Variants in MINDY4 observed in about 807,000 individuals in gnomAD.
MINDY4 encodes MINDY lysine 48 deubiquitinase 4.
Under a neutral mutation model 87.0 loss-of-function variants are expected in MINDY4, and 68 were observed. That is an observed-to-expected ratio of 0.78 (90% CI 0.64 to 0.96). The LOEUF (loss-of-function observed/expected upper bound fraction) is 0.96. Ranked by LOEUF, MINDY4 falls within the 40% of genes least tolerant of loss-of-function variation. The pLI, the probability that MINDY4 is intolerant of heterozygous loss-of-function variation, is 0.00. For synonymous variants in MINDY4, 379 were observed against 363.2 expected (o/e 1.04, Z -0.50); for missense variants, 919 against 928.2 (o/e 0.99, Z 0.13).
At position 30,875,511 on chromosome 7, in the gene MINDY4, T is replaced by C. The variant is rs942656303; in HGVS notation, c.1826T>C (p.Leu609Pro). 8.1e-6 allele frequency: 13 copies of C among 1,614,120 alleles called. No homozygotes were observed. Among genetic ancestry groups the C allele is most frequent in the Non-Finnish European group, 1.1e-5 (13 of 1,180,054 alleles). ...CATCTGCAGGAACTTGTCAATCTGC[T>C]CCTGACTGGGAAAGCTGTGTCCAAC... ...GYCTQELVNL[L>P]LTGKAVSNVF... The change falls in exon 15 of 18, where the codon CTC becomes CCC. Residue 609 changes from leucine to proline, a missense_variant. Leu to Pro is a moderately conservative substitution (Grantham distance 98). Transcript: ENST00000265299.
chr7:30,790,864 A>T (rs1787302154), intron 4 of MINDY4, among the ~76,000 whole-genome samples: 1 of 152,202 alleles, frequency 6.6e-6, no homozygotes, highest in Admixed American at 6.5e-5. Flanking sequence ...GTAGGTGGTG[A>T]TGCAGACTGG....
At chr7:30,795,445 G>T (rs796953321) in intron 5 of MINDY4, among the ~76,000 whole-genome samples, 1 of 152,202 alleles carries the variant, frequency 6.6e-6, no homozygotes, top group Non-Finnish European at 1.5e-5. Context: ...CCATGGAGCC[G>T]TGGGATCCAG....
chr7:30,857,478 T>C (rs999898431), intron 12 of MINDY4, among the ~76,000 whole-genome samples: 1 of 89,056 alleles, frequency 1.1e-5, no homozygotes, highest in African/African-American at 9.5e-5. Context: ...TTTTTTTTTT[T>C]TTTTTTTTTT....
intron 5 of MINDY4, among the ~76,000 whole-genome samples, chr7:30,793,648 T>A (rs1249801302): frequency 2.0e-5 from 3 of 152,196 alleles, no homozygotes; most frequent in Non-Finnish European, 2.9e-5. Context: ...TGTGAACTCC[T>A]GGGCTCAAGC....
At chr7:30,838,498 T>G (rs1788930254) in intron 7 of MINDY4, among the ~76,000 whole-genome samples, 1 of 152,232 alleles carries the variant, frequency 6.6e-6, no homozygotes, top group African/African-American at 2.4e-5. Context: ...TTTTTGGCTT[T>G]GCTGGCAGTG....
chr7:30,778,582 C>T (rs781737529), intron 2 of MINDY4, 31 bp downstream of exon 2: 2 of 1,613,400 alleles, frequency 1.2e-6, no homozygotes, highest in South Asian at 1.1e-5. Context: ...GGTGTGGAGT[C>T]TTGGAACTGA....
intron 13 of MINDY4, among the ~76,000 whole-genome samples, chr7:30,869,290 A>G (rs1418516127): frequency 1.3e-5 from 2 of 152,210 alleles, no homozygotes; most frequent in Non-Finnish European, 2.9e-5. Flanking sequence ...TTGGAGATCC[A>G]GGGGCTGATA....
chr7:30,808,784 T>TG (rs1787893067), intron 5 of MINDY4, among the ~76,000 whole-genome samples: 1 of 152,044 alleles, frequency 6.6e-6, no homozygotes, highest in Non-Finnish European at 1.5e-5. Context: ...CATAGACACT[T>TG]GGTTACAGCT....
At chr7:30,848,112 G>T (rs546902236) in intron 9 of MINDY4, among the ~76,000 whole-genome samples, 17 of 152,338 alleles carry the variant, frequency 1.1e-4, no homozygotes, top group African/African-American at 4.1e-4. Flanking sequence ...GTAAGTTAGT[G>T]TAGAAGTGTT....
At chr7:30,874,886 G>A (rs980833193) in intron 14 of MINDY4, among the ~76,000 whole-genome samples, 14 of 152,216 alleles carry the variant, frequency 9.2e-5, no homozygotes, top group African/African-American at 2.7e-4. Context: ...AGATGTTATC[G>A]TTGGGGGAAG....
In MINDY4 at chr7:30,882,262, C is replaced by T. The variant is rs780291607; in HGVS notation, c.2053C>T (p.Gln685Ter). ...ESHFSILFSLQPGLLRDWRTE... is the reference protein window; with the variant it reads ...ESHFSILFSL ...CCACTTCAGCATCCTCTTTAGCCTGCAGCCGGGGCTCCTGCGTGACTGGAG... is the reference window on the plus strand; with the variant it reads ...CCACTTCAGCATCCTCTTTAGCCTGTAGCCGGGGCTCCTGCGTGACTGGAG... Residue 685 changes from glutamine to a stop codon, truncating the protein, a stop_gained, in exon 16 of 18, where the codon CAG becomes TAG. Transcript: ENST00000265299. LOFTEE classifies it high-confidence loss of function. The T allele has an allele frequency of 2.7e-5, 44 of 1,613,882 alleles. No homozygotes were observed. The highest frequency in any genetic ancestry group is 3.6e-5 in the Non-Finnish European group (43 of 1,179,902).
intron 3 of MINDY4, among the ~76,000 whole-genome samples, chr7:30,783,929 T>C (rs962904602): frequency 2.0e-5 from 3 of 152,220 alleles, no homozygotes; most frequent in Non-Finnish European, 2.9e-5. Flanking sequence ...TGATTGAACC[T>C]CTATTATCTG....
chr7:30,776,993 T>TTC (rs1786839991), intron 1 of MINDY4, among the ~76,000 whole-genome samples: 2 of 55,306 alleles, frequency 3.6e-5, no homozygotes, highest in African/African-American at 1.5e-4. Context: ...TTCCTTTTCT[T>TTC]CTTTCTTTCT....
chr7:30,887,150 C>T (rs914187250), intron 17 of MINDY4, among the ~76,000 whole-genome samples: 9 of 152,192 alleles, frequency 5.9e-5, no homozygotes, highest in African/African-American at 2.2e-4. Context: ...CCACTCCCTG[C>T]GGAACCTCCC....
rs60396175 is a variant in MINDY4, at chr7:30,828,318, T to TTGTGTGTG, written c.1074-337_1074-330dup. ...TGGGCAATGATGACAAGAACTCGATTTGTGTGTGTGTGTGTGTGTGTGTGT... is the reference window on the plus strand; with the variant it reads ...TGGGCAATGATGACAAGAACTCGATTTGTGTGTGTGTGTGTGTGTGTGTGTGTGTGTGT... On this transcript the variant is annotated intron_variant, in intron 5 of 17. Coordinates refer to ENST00000265299, the MANE Select transcript of MINDY4 (RefSeq NM_032222.3). Among the ~76,000 whole-genome samples, 263 of 147,994 alleles carry TTGTGTGTG rather than the reference T, an allele frequency of 1.8e-3. 2 individuals are homozygous for TTGTGTGTG. The highest frequency in any genetic ancestry group is 6.1e-3 in the African/African-American group (248 of 40,498).
At chr7:30,882,782 G>A in intron 16 of MINDY4, 139 bp from the exon 17 acceptor site, 1 of 714,604 alleles carries the variant, frequency 1.4e-6, no homozygotes, top group East Asian at 2.5e-5. Flanking sequence ...TGGATGTCAG[G>A]GATGAGGGTG....
intron 6 of MINDY4, among the ~76,000 whole-genome samples, chr7:30,832,182 C>T (rs1314040884): frequency 6.6e-6 from 1 of 152,206 alleles, no homozygotes; most frequent in Non-Finnish European, 1.5e-5. Flanking sequence ...AGCCTTCATT[C>T]CCAGATTTAC....
rs145401226 is a variant in MINDY4, at chr7:30,854,652, G to A, written c.1677+1193G>A. Among the ~76,000 whole-genome samples the A allele has an allele frequency of 3.5e-3, 529 of 152,302 alleles. 4 individuals carry two copies. Among genetic ancestry groups the A allele is most frequent in the African/African-American group, 0.012 (491 of 41,556 alleles). On this transcript the variant is annotated intron_variant, in intron 12 of 17. Coordinates refer to ENST00000265299, the MANE Select transcript of MINDY4 (RefSeq NM_032222.3). Reference sequence around the variant, plus strand: ...GCACTGGAGGGTTTGGTGGTAAGCCGGAGAGTGGGAGAACTTGCTGGAAAT... The same window carrying A: ...GCACTGGAGGGTTTGGTGGTAAGCCAGAGAGTGGGAGAACTTGCTGGAAAT...
chr7:30,824,281 T>C (rs560565717), intron 5 of MINDY4, among the ~76,000 whole-genome samples: 1 of 152,264 alleles, frequency 6.6e-6, no homozygotes, highest in Admixed American at 6.5e-5. Flanking sequence ...TCTGTCTTCC[T>C]CTTCTTAGAA....
Sources: gnomAD v4.1 joint callset for allele counts (sites outside exome capture counted in the v4.1 genomes callset) on GRCh38, gnomAD v4.1.1 for gene constraint, MANE v1.5 for transcripts, NCBI Gene and HGNC (gene_info 2026-07-23, HGNC 2026-07-21) for gene names.